ZNF680: variants seen among roughly 807,000 people sequenced by gnomAD.
ZNF680 encodes the protein zinc finger protein 680.
A neutral mutation model predicts 12.1 loss-of-function variants in ZNF680; 6 were observed. That is an observed-to-expected ratio of 0.49 (90% CI 0.27 to 0.98). ZNF680 has a LOEUF of 0.98. ZNF680 is among the 50% of genes least tolerant of loss of function. ZNF680 has a pLI of 0.12. For synonymous variants in ZNF680, 170 were observed against 199.3 expected (o/e 0.85, Z 1.24); for missense variants, 561 against 616.3 (o/e 0.91, Z 0.95).
intron 1 of ZNF680, among the ~76,000 whole-genome samples, chr7:64,553,124 CAA>C (rs575545282): frequency 3.1e-4 from 37 of 119,700 alleles, no homozygotes; most frequent in African/African-American, 2.5e-4. Flanking sequence ...CACTCTATCT[CAA>C]AAAAAAAAAA....
At chr7:64,504,789 T>C in the ZNF680 span, among the ~76,000 whole-genome samples, 2 of 152,324 alleles carry the variant, frequency 1.3e-5, no homozygotes, top group South Asian at 4.1e-4. Context: ...CGGCTGTTAT[T>C]TGCATGTCCA....
chr7:64,534,607 TCCTTA>T (rs1440273843), intron 3 of ZNF680, among the ~76,000 whole-genome samples: 1 of 152,184 alleles, frequency 6.6e-6, no homozygotes, highest in East Asian at 1.9e-4. Flanking sequence ...GTGTGGAGAT[TCCTTA>T]AAGAACTAAA....
chr7:64,515,985 T>C (rs1791346933), downstream of ZNF680, among the ~76,000 whole-genome samples: 1 of 152,026 alleles, frequency 6.6e-6, no homozygotes, highest in African/African-American at 2.4e-5. Context: ...TAATTGGTCC[T>C]GGGCCAAGAT....
intron 3 of ZNF680, among the ~76,000 whole-genome samples, chr7:64,523,845 G>A (rs908948636): frequency 4.7e-4 from 71 of 151,896 alleles, no homozygotes; most frequent in South Asian, 2.1e-3. Flanking sequence ...CCCAAGAGGC[G>A]GAGCTGGCAG....
At chr7:64,562,080 A>C (rs1466824388) in intron 1 of ZNF680, among the ~76,000 whole-genome samples, 3 of 150,522 alleles carry the variant, frequency 2.0e-5, no homozygotes, top group Non-Finnish European at 4.4e-5. Context: ...AAAAATACAA[A>C]AATTAGCCGG....
At chr7:64,531,596 CAAA>C (rs34791051) in intron 3 of ZNF680, among the ~76,000 whole-genome samples, 2 of 95,302 alleles carry the variant, frequency 2.1e-5, no homozygotes, top group Non-Finnish European at 2.1e-5. Context: ...GACTCCGTCT[CAAA>C]AAAAAAAAAA....
the ZNF680 span, among the ~76,000 whole-genome samples, chr7:64,510,930 A>G: frequency 5.4e-5 from 1 of 18,384 alleles, no homozygotes; most frequent in Non-Finnish European, 9.4e-5. Context: ...AATAAAAAAT[A>G]AAAAATAAAA....
At chr7:64,508,776 T>C in the ZNF680 span, among the ~76,000 whole-genome samples, 1 of 152,202 alleles carries the variant, frequency 6.6e-6, no homozygotes, top group African/African-American at 2.4e-5. Flanking sequence ...ATTTTCCTTT[T>C]CTATGGTGGC....
At chr7:64,506,426 G>A in the ZNF680 span, among the ~76,000 whole-genome samples, 1 of 151,942 alleles carries the variant, frequency 6.6e-6, no homozygotes, top group African/African-American at 2.4e-5. Context: ...CTGACCTTGT[G>A]ATCCACCTGC....
intron 1 of ZNF680, among the ~76,000 whole-genome samples, chr7:64,555,100 C>G (rs1787336339): frequency 3.3e-5 from 5 of 152,208 alleles, no homozygotes; most frequent in Admixed American, 3.3e-4. Flanking sequence ...CAACACCCCA[C>G]AGACCCTGTT....
At chr7:64,562,809 C>A in intron 1 of ZNF680, 116 bp downstream of exon 1, 2 of 1,242,528 alleles carry the variant, frequency 1.6e-6, no homozygotes, top group South Asian at 1.2e-5. Context: ...CCAAGGACAA[C>A]TCGGGCCGCG....
intron 1 of ZNF680, among the ~76,000 whole-genome samples, chr7:64,546,319 C>A (rs574609123): frequency 5.3e-5 from 8 of 152,228 alleles, no homozygotes; most frequent in African/African-American, 1.7e-4. Context: ...GGTGTCAGCA[C>A]CCCCTGTTTA....
At chr7:64,539,368 A>AG (rs1786368755) in intron 3 of ZNF680, among the ~76,000 whole-genome samples, 2 of 137,306 alleles carry the variant, frequency 1.5e-5, no homozygotes, top group South Asian at 2.4e-4. Context: ...AAAAAAAAAA[A>AG]AAAAAAAGAA....
rs781500029 is a variant in ZNF680 at position 64,522,004 on chromosome 7, G to A, written c.750C>T (p.Ser250=). The change falls in exon 4 of 4, where the codon TCC becomes TCT. Residue 250 remains serine (S), a synonymous_variant. Coordinates refer to ENST00000309683, the MANE Select transcript of ZNF680 (RefSeq NM_178558.5). ...CEECGKAFNQ[S]STLIKHKKIH... ...TTTTCTTATGTTTAATAAGGGTTGA[G>A]GATTGGTTAAAGGCTTTGCCACATT... 130 of 1,611,054 alleles carry A rather than the reference G, an allele frequency of 8.1e-5. No homozygotes were observed. Among genetic ancestry groups the A allele is most frequent in the Non-Finnish European group, 9.8e-5 (115 of 1,179,030 alleles).
At chr7:64,540,171 T>A (rs1157914692) in intron 3 of ZNF680, among the ~76,000 whole-genome samples, 1 of 152,084 alleles carries the variant, frequency 6.6e-6, no homozygotes, top group Non-Finnish European at 1.5e-5. Context: ...TTAGATATGA[T>A]CGGACAACCA....
intron 1 of ZNF680, among the ~76,000 whole-genome samples, chr7:64,554,497 A>C (rs1313427565): frequency 1.6e-4 from 24 of 152,196 alleles, no homozygotes; most frequent in Non-Finnish European, 5.9e-5. Flanking sequence ...AGGTGTACCC[A>C]ACAGCTCATT....
intron 1 of ZNF680, among the ~76,000 whole-genome samples, chr7:64,557,568 A>C (rs1787490545): frequency 1.6e-5 from 1 of 62,998 alleles, no homozygotes. Flanking sequence ...AAAACAAAAA[A>C]ACAAAAAAAA....
At chr7:64,506,361 C>T in the ZNF680 span, among the ~76,000 whole-genome samples, 2 of 151,982 alleles carry the variant, frequency 1.3e-5, no homozygotes, top group East Asian at 1.9e-4. Context: ...AGCTATTTTT[C>T]GTATTTTTAG....
At chr7:64,551,960 TCAG>T (rs1787104430) in intron 1 of ZNF680, 1 of 152,266 alleles carries the variant, frequency 6.6e-6, no homozygotes, top group African/African-American at 2.4e-5. Context: ...GAGCATATTC[TCAG>T]CAGAATTTTA....
Sources: allele counts gnomAD v4.1 joint callset (sites outside exome capture counted in the v4.1 genomes callset), GRCh38; gene constraint gnomAD v4.1.1; transcripts MANE v1.5; gene names NCBI Gene and HGNC (gene_info 2026-07-23, HGNC 2026-07-21).